The following RNF182 variants were observed in gnomAD, a reference collection of about 807,000 sequenced individuals.
RNF182 encodes the protein ring finger protein 182, also known as E3 ubiquitin-protein ligase RNF182.
A neutral mutation model predicts 14.4 loss-of-function variants in RNF182; 15 were observed. The observed-to-expected ratio is 1.04, with a 90% CI of 0.70 to 1.60. The LOEUF (loss-of-function observed/expected upper bound fraction) is 1.60. Ranked by LOEUF, RNF182 falls within the 40% of genes most tolerant of loss-of-function variation. The pLI, the probability that RNF182 is intolerant of heterozygous loss-of-function variation, is 0.00. For missense variants in RNF182, 268 were observed against 294.8 expected, an observed-to-expected ratio of 0.91 and a Z score of 0.67; for synonymous variants, 128 against 122.9, an observed-to-expected ratio of 1.04 and a Z score of -0.27.
At chr6:13,939,416 C>T (rs1017711153) in intron 1 of RNF182, among the ~76,000 whole-genome samples, 1 of 151,948 alleles carries the variant, frequency 6.6e-6, no homozygotes, top group Admixed American at 6.6e-5. Context: ...TAGTATTGTA[C>T]TTCTTTCATT....
In RNF182 at chr6:13,972,143, C is replaced by CA. The variant is rs112233234; in HGVS notation, c.-366-2055dup. Among the ~76,000 whole-genome samples the CA allele has an allele frequency of 5.3e-3, 742 of 140,016 alleles. 3 individuals are homozygous for CA. The highest frequency in any genetic ancestry group is 0.018 in the Middle Eastern group (5 of 276). The allele number at this position is 140,016 out of a possible 152,430, so 91.9% of individuals were successfully genotyped here. A position where few individuals can be genotyped will look rare whatever the true frequency, so the allele number is the denominator to read the frequency against. Reference sequence around the variant, plus strand: ...GTGAAACCCCGTCTACTAAAAAATACAAAAAAAAAAAATTAGCTGGGCATG... The same window carrying CA: ...GTGAAACCCCGTCTACTAAAAAATACAAAAAAAAAAAAATTAGCTGGGCATG... On this transcript the variant is annotated intron_variant, in intron 1 of 2. Coordinates refer to ENST00000488300, the MANE Select transcript of RNF182 (RefSeq NM_152737.4).
chr6:13,964,205 C>A (rs1010494119), intron 1 of RNF182, among the ~76,000 whole-genome samples: 3 of 152,096 alleles, frequency 2.0e-5, no homozygotes, highest in Non-Finnish European at 4.4e-5. Flanking sequence ...AAATGATTCT[C>A]ATACCCTTGA....
At chr6:13,924,478 G>A (rs1758759692), upstream of RNF182, 1 of 152,364 alleles carries the variant, frequency 6.6e-6, no homozygotes, top group East Asian at 1.9e-4. Context: ...CAGGAGAACC[G>A]AGTACCAGTT....
intron 2 of RNF182, among the ~76,000 whole-genome samples, chr6:13,975,545 A>T (rs912603226): frequency 6.6e-6 from 1 of 152,206 alleles, no homozygotes; most frequent in African/African-American, 2.4e-5. Flanking sequence ...CCAACTATAC[A>T]TCTTGCCACT....
intron 1 of RNF182, among the ~76,000 whole-genome samples, chr6:13,930,338 C>G (rs1478649338): frequency 1.3e-5 from 2 of 152,192 alleles, no homozygotes; most frequent in African/African-American, 4.8e-5. Context: ...GAGCCAGCCC[C>G]CCTGCAGATA....
At chr6:13,953,025 A>T (rs1244615665) in intron 1 of RNF182, among the ~76,000 whole-genome samples, 1 of 152,230 alleles carries the variant, frequency 6.6e-6, no homozygotes, top group East Asian at 1.9e-4. Flanking sequence ...GTTACTGCAA[A>T]ACTTAAACTA....
chr6:13,938,293 A>G (rs914068563), intron 1 of RNF182, among the ~76,000 whole-genome samples: 1 of 150,150 alleles, frequency 6.7e-6, no homozygotes, highest in Non-Finnish European at 1.5e-5. Context: ...CTGGGATTAC[A>G]GGCGTGAGCC....
chr6:13,949,512 C>T (rs901660289), intron 1 of RNF182: 1 of 545,156 alleles, frequency 1.8e-6, no homozygotes, highest in East Asian at 3.5e-5. Context: ...AAGACACTTG[C>T]AAGAAAAAAG....
At chr6:13,968,878 T>C (rs1419691824) in intron 1 of RNF182, among the ~76,000 whole-genome samples, 2 of 152,206 alleles carry the variant, frequency 1.3e-5, no homozygotes, top group African/African-American at 2.4e-5. Context: ...TATTTATTTA[T>C]ATAAATTTCT....
At chr6:13,966,687 C>T (rs904159386) in intron 1 of RNF182, among the ~76,000 whole-genome samples, 5 of 152,106 alleles carry the variant, frequency 3.3e-5, no homozygotes, top group East Asian at 1.9e-4. Flanking sequence ...TGCTTGACCC[C>T]GCGGGGTGGA....
chr6:13,968,631 TAA>T (rs1760097352), intron 1 of RNF182, among the ~76,000 whole-genome samples: 1 of 152,176 alleles, frequency 6.6e-6, no homozygotes, highest in Non-Finnish European at 1.5e-5. Flanking sequence ...AGTACAGATG[TAA>T]AGTTTCTCTA....
chr6:13,926,297 A>T (rs1758823943), intron 1 of RNF182, among the ~76,000 whole-genome samples: 1 of 152,198 alleles, frequency 6.6e-6, no homozygotes, highest in South Asian at 2.1e-4. Context: ...AGTTAAGTTG[A>T]TTGGAATTCT....
chr6:13,977,499 A>G lies in RNF182; in HGVS notation c.380A>G (p.Asn127Ser), dbSNP rs368233650. ...SLVSPSHTSS[N>S]CLVITIMEVQ... ...GTCAGTCCTTCTCACACGTCCTCCA[A>G]CTGCCTGGTCATAACCATCATGGAG... Residue 127 changes from asparagine (N) to serine (S), a missense_variant, in exon 3 of 3, where the codon AAC becomes AGC. Physicochemically the swap from Asn to Ser is conservative, Grantham distance 46. Coordinates refer to ENST00000488300, the MANE Select transcript of RNF182 (RefSeq NM_152737.4). 2.2e-5 allele frequency: 36 copies of G among 1,614,188 alleles called. No individual in the cohort carries two copies. Among genetic ancestry groups the G allele is most frequent in the Non-Finnish European group, 2.9e-5 (34 of 1,180,032 alleles).
chr6:13,977,227 G>A lies in RNF182; in HGVS notation c.108G>A (p.Val36=). 1 of 1,614,202 alleles carries A rather than the reference G, an allele frequency of 6.2e-7. No individual in the cohort carries two copies. The highest frequency in any genetic ancestry group is 1.3e-5 in the African/African-American group (1 of 75,048). ...RYNLKQRKPK[V]LECCHRVCAK... ...ATCTGAAACAGAGGAAACCCAAAGTGCTGGAGTGTTGTCATAGGGTTTGTG... is the reference window on the plus strand; with the variant it reads ...ATCTGAAACAGAGGAAACCCAAAGTACTGGAGTGTTGTCATAGGGTTTGTG... The change falls in exon 3 of 3, where the codon GTG becomes GTA. Residue 36 remains valine (V), a synonymous_variant. Transcript: ENST00000488300.
intron 1 of RNF182, among the ~76,000 whole-genome samples, chr6:13,973,716 C>T (rs988574523): frequency 1.3e-5 from 2 of 152,120 alleles, no homozygotes; most frequent in African/African-American, 2.4e-5. Context: ...ACTATGAGTC[C>T]GTGAAACCTC....
intron 1 of RNF182, among the ~76,000 whole-genome samples, chr6:13,940,712 CATA>C (rs1759273788): frequency 6.6e-6 from 1 of 152,040 alleles, no homozygotes; most frequent in Admixed American, 6.5e-5. Context: ...ACTTTTCTAA[CATA>C]TGCATTCGAA....
chr6:13,977,712 C>T lies in RNF182; in HGVS notation c.593C>T (p.Pro198Leu). 1 of 1,614,132 alleles carries T rather than the reference C, an allele frequency of 6.2e-7. No homozygotes were observed. Among genetic ancestry groups the T allele is most frequent in the Non-Finnish European group, 8.5e-7 (1 of 1,180,012 alleles). Residue 198 changes from proline (P) to leucine (L), a missense_variant, in exon 3 of 3, where the codon CCC becomes CTC. Physicochemically the swap from Pro to Leu is moderately conservative, Grantham distance 98. Coordinates refer to ENST00000488300, the MANE Select transcript of RNF182 (RefSeq NM_152737.4). ...LLGLLYFSSLPLGIYLLVSKK... is the reference protein window; with the variant it reads ...LLGLLYFSSLLLGIYLLVSKK... ...GGTTTGCTCTACTTCAGCTCCTTAC[C>T]CTTAGGAATCTACTTACTGGTGTCT... is the stretch of plus-strand genomic sequence containing the variant.
intron 1 of RNF182, among the ~76,000 whole-genome samples, chr6:13,954,067 G>T (rs545354097): frequency 1.3e-5 from 2 of 152,102 alleles, no homozygotes; most frequent in African/African-American, 4.8e-5. Flanking sequence ...ATGATATAAT[G>T]AATCCCTTTT....
chr6:13,942,013 C>G (rs950279924), intron 1 of RNF182, among the ~76,000 whole-genome samples: 10 of 151,954 alleles, frequency 6.6e-5, no homozygotes, highest in African/African-American at 2.4e-4. Context: ...GTATTTCTTT[C>G]TATTTTTACT....
Sources: gnomAD v4.1 joint callset for allele counts (sites outside exome capture counted in the v4.1 genomes callset) on GRCh38, gnomAD v4.1.1 for gene constraint, MANE v1.5 for transcripts, NCBI Gene and HGNC (gene_info 2026-07-23, HGNC 2026-07-21) for gene names.